EFR3A: variants seen among roughly 807,000 people sequenced by gnomAD.
The protein encoded by EFR3A is EFR3 homolog A.
In EFR3A, 76 loss-of-function variants were observed where a neutral mutation model predicts 104.4. The ratio of observed to expected loss-of-function variants is 0.73; its 90% CI spans 0.60 to 0.88. EFR3A has a LOEUF of 0.88. Ranked by LOEUF, EFR3A falls within the 40% of genes least tolerant of loss-of-function variation. The probability of loss-of-function intolerance (pLI) is 0.00; values close to 1 mark genes in which losing one functional copy is unlikely to be tolerated. For synonymous variants in EFR3A, 330 were observed against 330.0 expected, an observed-to-expected ratio of 1.00 and a Z score of 0.00; for missense variants, 985 against 1,012.5, an observed-to-expected ratio of 0.97 and a Z score of 0.37.
At position 131,970,468 on chromosome 8, in the gene EFR3A, C is replaced by T; in HGVS notation, c.992-8C>T. ...CATGTATCTTCTCACATAAGTGATCCTTTATAGGTCCGACAGTGCTGGAAG... is the reference window on the plus strand; with the variant it reads ...CATGTATCTTCTCACATAAGTGATCTTTTATAGGTCCGACAGTGCTGGAAG... On this transcript the variant is annotated splice_polypyrimidine_tract_variant and splice_region_variant and intron_variant, in intron 9 of 22. Transcript: ENST00000254624. 1 of 1,612,290 alleles carries T rather than the reference C, an allele frequency of 6.2e-7. No homozygotes were observed. The highest frequency in any genetic ancestry group is 8.5e-7 in the Non-Finnish European group (1 of 1,178,884).
At chr8:131,952,189 A>G (rs760072542) in intron 5 of EFR3A, among the ~76,000 whole-genome samples, 15 of 152,144 alleles carry the variant, frequency 9.9e-5, no homozygotes, top group Admixed American at 6.6e-4. Flanking sequence ...GTGGTTAGCA[A>G]CAAACAGGAA....
chr8:131,972,614 C>A (rs1343515326), intron 10 of EFR3A, among the ~76,000 whole-genome samples: 1 of 151,906 alleles, frequency 6.6e-6, no homozygotes, highest in East Asian at 1.9e-4. Context: ...TAACTTTTTT[C>A]TTTCAATATT....
At chr8:131,942,961 A>T (rs1818236102) in intron 2 of EFR3A, among the ~76,000 whole-genome samples, 1 of 152,106 alleles carries the variant, frequency 6.6e-6, no homozygotes, top group Admixed American at 6.6e-5. Flanking sequence ...TTGCCTGAAG[A>T]GGGAGAGATG....
Position 132,011,290 on chromosome 8 carries a change from AT to A in EFR3A, c.*400del. On this transcript the variant is annotated 3_prime_UTR_variant, in exon 23 of 23. Coordinates refer to ENST00000254624, the MANE Select transcript of EFR3A (RefSeq NM_015137.6). ...ATCTACACAGCCGCTTAGATGTAGA[AT>A]TTTTGTTGTTGTTTTCTGCAAAGGC... 1 of 988,076 alleles carries A rather than the reference AT, an allele frequency of 1.0e-6. No homozygotes were observed. Among genetic ancestry groups the A allele is most frequent in the African/African-American group, 1.7e-5 (1 of 57,412 alleles). 61.2% of individuals were successfully genotyped at this position (988,076 alleles called of 1,614,324 possible). A position where few individuals can be genotyped will look rare whatever the true frequency, so the allele number is the denominator to read the frequency against.
At chr8:131,947,557 T>C (rs1038866314) in intron 4 of EFR3A, among the ~76,000 whole-genome samples, 1 of 151,432 alleles carries the variant, frequency 6.6e-6, no homozygotes, top group African/African-American at 2.4e-5. Context: ...GTTGTTGGTG[T>C]GTAATGTGTG....
chr8:132,004,568 T>C (rs1821944465), intron 22 of EFR3A, among the ~76,000 whole-genome samples: 1 of 152,156 alleles, frequency 6.6e-6, no homozygotes, highest in South Asian at 2.1e-4. Context: ...GCCAAAAAGG[T>C]CGGCGACTGT....
intron 11 of EFR3A, 143 bp downstream of exon 11, chr8:131,976,284 A>C (rs907135033): frequency 1.6e-6 from 1 of 619,142 alleles, no homozygotes; most frequent in South Asian, 2.0e-5. Context: ...TTATTATGAC[A>C]GTAGATTGCT....
intron 1 of EFR3A, among the ~76,000 whole-genome samples, chr8:131,929,495 G>A (rs1302437491): frequency 2.0e-5 from 3 of 152,098 alleles, no homozygotes; most frequent in African/African-American, 7.2e-5. Context: ...ACTTCTTGCA[G>A]AAAGGTTTGT....
intron 10 of EFR3A, among the ~76,000 whole-genome samples, chr8:131,974,952 T>C (rs1470774147): frequency 2.0e-5 from 3 of 152,210 alleles, no homozygotes; most frequent in African/African-American, 4.8e-5. Context: ...AATGACTACA[T>C]TGAATTTTAA....
intron 1 of EFR3A, among the ~76,000 whole-genome samples, chr8:131,917,415 C>A (rs917953196): frequency 6.6e-6 from 1 of 152,204 alleles, no homozygotes; most frequent in Admixed American, 6.5e-5. Flanking sequence ...TCAGCCTGTC[C>A]TGATGGAGTA....
chr8:131,930,918 T>C (rs1416259579), intron 1 of EFR3A, among the ~76,000 whole-genome samples: 2 of 152,178 alleles, frequency 1.3e-5, no homozygotes, highest in East Asian at 1.9e-4. Flanking sequence ...TTATAACTTA[T>C]CTATTGCATA....
At chr8:131,960,785 T>A (rs1819274153) in intron 8 of EFR3A, among the ~76,000 whole-genome samples, 1 of 152,220 alleles carries the variant, frequency 6.6e-6, no homozygotes, top group South Asian at 2.1e-4. Flanking sequence ...TCTTTTGTGC[T>A]AAATTTATTT....
chr8:131,910,856 A>C (rs1816481335), intron 1 of EFR3A, among the ~76,000 whole-genome samples: 1 of 152,034 alleles, frequency 6.6e-6, no homozygotes, highest in Admixed American at 6.6e-5. Context: ...GGGAGTAGAG[A>C]GGTTTTTATT....
intron 8 of EFR3A, among the ~76,000 whole-genome samples, chr8:131,966,427 T>C (rs1251817664): frequency 6.6e-6 from 1 of 152,186 alleles, no homozygotes; most frequent in African/African-American, 2.4e-5. Flanking sequence ...GTCGTCATTA[T>C]TGTTATGTTC....
intron 1 of EFR3A, among the ~76,000 whole-genome samples, chr8:131,916,854 AT>A (rs1158789918): frequency 4.6e-5 from 7 of 152,052 alleles, no homozygotes; most frequent in African/African-American, 1.4e-4. Context: ...TTATGAAACA[AT>A]TTTTTTTAAG....
Position 131,984,987 on chromosome 8 carries a change from C to T in EFR3A, c.1796C>T (p.Ala599Val), listed in dbSNP as rs1820804466. The change falls in exon 16 of 23, where the codon GCA becomes GTA. Residue 599 changes from alanine (A) to valine (V), a missense_variant. Physicochemically the swap from Ala to Val is moderately conservative, Grantham distance 64. Coordinates refer to ENST00000254624, the MANE Select transcript of EFR3A (RefSeq NM_015137.6). ...ATGTTCCATCGTTGTGGAATCATGG[C>T]ACTGGTTGCAGCATACCTCAACTTT... ...LPMFHRCGIMALVAAYLNFVS... is the reference protein window; with the variant it reads ...LPMFHRCGIMVLVAAYLNFVS... 6.2e-7 allele frequency: 1 copy of T among 1,613,536 alleles called. No homozygotes were observed. Among genetic ancestry groups the T allele is most frequent in the East Asian group, 2.2e-5 (1 of 44,862 alleles).
At chr8:131,983,666 T>C (rs1820727671) in intron 14 of EFR3A, among the ~76,000 whole-genome samples, 1 of 152,128 alleles carries the variant, frequency 6.6e-6, no homozygotes, top group Admixed American at 6.6e-5. Context: ...TAACAGAACC[T>C]GCAGATGCTC....
chr8:131,935,563 G>A (rs896420691), intron 1 of EFR3A: 12 of 420,704 alleles, frequency 2.9e-5, no homozygotes, highest in Non-Finnish European at 5.7e-5. Flanking sequence ...TTACATGTGA[G>A]AATTAAATGA....
chr8:131,948,865 C>G (rs1818564138), intron 4 of EFR3A, among the ~76,000 whole-genome samples: 1 of 152,040 alleles, frequency 6.6e-6, no homozygotes, highest in Non-Finnish European at 1.5e-5. Flanking sequence ...ATGACCAGTG[C>G]TAATTTAAAA....
Sources: allele counts gnomAD v4.1 joint callset (sites outside exome capture counted in the v4.1 genomes callset), GRCh38; gene constraint gnomAD v4.1.1; transcripts MANE v1.5; gene names NCBI Gene and HGNC (gene_info 2026-07-23, HGNC 2026-07-21).